The following AGBL4 variants were observed in gnomAD, a reference collection of about 807,000 sequenced individuals.
The protein encoded by AGBL4 is AGBL carboxypeptidase 4, also known as cytosolic carboxypeptidase 6.
In AGBL4, 58 loss-of-function variants were observed where a neutral mutation model predicts 66.4. The observed-to-expected ratio is 0.87, with a 90% CI of 0.71 to 1.09. The LOEUF is 1.09. Ranked by LOEUF, AGBL4 falls within the 50% of genes least tolerant of loss-of-function variation. The probability of loss-of-function intolerance (pLI) is 0.00; values close to 1 mark genes in which losing one functional copy is unlikely to be tolerated. For synonymous variants in AGBL4, 234 were observed against 222.9 expected (o/e 1.05, Z -0.44); for missense variants, 579 against 631.0 (o/e 0.92, Z 0.88).
intron 3 of AGBL4, among the ~76,000 whole-genome samples, chr1:49,462,617 A>G (rs1646539805): frequency 6.6e-6 from 1 of 151,818 alleles, no homozygotes; most frequent in African/African-American, 2.4e-5. Flanking sequence ...AAAGCATTAA[A>G]GACTATTTCA....
intron 4 of AGBL4, among the ~76,000 whole-genome samples, chr1:49,232,229 A>T (rs1650371530): frequency 6.6e-6 from 1 of 152,172 alleles, no homozygotes; most frequent in Admixed American, 6.5e-5. Flanking sequence ...ATAGTATATT[A>T]ATTATATCTT....
At chr1:49,856,097 A>T (rs1474686689) in intron 1 of AGBL4, among the ~76,000 whole-genome samples, 1 of 152,120 alleles carries the variant, frequency 6.6e-6, no homozygotes, top group Non-Finnish European at 1.5e-5. Context: ...ACCACTAGAG[A>T]CTATTATGAA....
chr1:49,016,298 A>G (rs779505020), intron 5 of AGBL4, among the ~76,000 whole-genome samples: 17 of 152,306 alleles, frequency 1.1e-4, no homozygotes, highest in Admixed American at 2.0e-4. Context: ...TCCTGTCAGA[A>G]TCACTGGGGG....
chr1:48,989,505 C>A (rs1279099955), intron 5 of AGBL4, among the ~76,000 whole-genome samples: 2 of 152,008 alleles, frequency 1.3e-5, no homozygotes, highest in African/African-American at 4.8e-5. Context: ...TAACCATCCC[C>A]ACTCTATCCT....
At chr1:49,845,512 G>C in intron 2 of AGBL4, 1 of 1,579,194 alleles carries the variant, frequency 6.3e-7, no homozygotes, top group Non-Finnish European at 8.7e-7. Context: ...TGGTGAGTGT[G>C]GCAAGGCCTT....
rs115198747 is a variant in AGBL4, at chr1:48,841,255, C to T, written c.634+25936G>A. Among the ~76,000 whole-genome samples the T allele has an allele frequency of 7.1e-3, 1,085 of 152,090 alleles. 10 individuals are homozygous for T. Among genetic ancestry groups the T allele is most frequent in the South Asian group, 0.011 (54 of 4,824 alleles). On this transcript the variant is annotated intron_variant, in intron 6 of 13. Coordinates refer to ENST00000371839, the MANE Select transcript of AGBL4 (RefSeq NM_032785.4). ...CTGTATATTTAAAAAGTCAATTTAA[C>T]GGTGTGTTAATAAAAAATGACATAA...
intron 3 of AGBL4, among the ~76,000 whole-genome samples, chr1:49,421,913 G>A (rs954122082): frequency 1.3e-5 from 2 of 151,968 alleles, no homozygotes; most frequent in Admixed American, 6.6e-5. Context: ...CAGTTCTATC[G>A]ATATAGATTC....
intron 3 of AGBL4, among the ~76,000 whole-genome samples, chr1:49,588,397 A>T (rs892678157): frequency 6.6e-6 from 1 of 152,180 alleles, no homozygotes; most frequent in Non-Finnish European, 1.5e-5. Flanking sequence ...CCTAGCACCC[A>T]GTACAAATTT....
intron 1 of AGBL4, among the ~76,000 whole-genome samples, chr1:49,862,912 A>T (rs538676229): frequency 1.3e-5 from 2 of 152,324 alleles, no homozygotes; most frequent in East Asian, 3.9e-4. Context: ...AAGTAGTTCA[A>T]TCAGAAGGAG....
chr1:49,046,273 G>A (rs939443466), intron 4 of AGBL4, among the ~76,000 whole-genome samples: 1 of 152,054 alleles, frequency 6.6e-6, no homozygotes, highest in Non-Finnish European at 1.5e-5. Flanking sequence ...AGATATAAAT[G>A]GGAGAGGCCT....
In AGBL4 at chr1:49,032,309, G is replaced by C. The variant is rs1006967616; in HGVS notation, c.594+13275C>G. On this transcript the variant is annotated intron_variant, in intron 5 of 13. Transcript: ENST00000371839. The stretch of plus-strand genomic sequence containing the variant: ...GATAGCGAAATCATTGAATATGGTA[G>C]CAGTGGTGTAGTAGAAAAGACAAGT... 2.6e-5 allele frequency among the ~76,000 whole-genome samples: 4 copies of C among 152,154 alleles called. No homozygotes were observed. The East Asian group carries it at 7.7e-4, about 29-fold the overall frequency.
intron 2 of AGBL4, among the ~76,000 whole-genome samples, chr1:49,749,337 A>G (rs1651262707): frequency 6.6e-6 from 1 of 152,162 alleles, no homozygotes; most frequent in African/African-American, 2.4e-5. Context: ...GTTATTTCTG[A>G]GGCCTCTGTT....
intron 4 of AGBL4, among the ~76,000 whole-genome samples, chr1:49,180,227 A>T (rs773548995): frequency 3.3e-5 from 5 of 152,196 alleles, no homozygotes; most frequent in Non-Finnish European, 5.9e-5. Context: ...CAGCTTCTTT[A>T]TCTGTAAATA....
chr1:49,687,525 A>C (rs1646808967), intron 3 of AGBL4, among the ~76,000 whole-genome samples: 1 of 152,172 alleles, frequency 6.6e-6, no homozygotes, highest in South Asian at 2.1e-4. Flanking sequence ...CAATCCCAGC[A>C]CTTTAGGAGG....
chr1:49,451,341 A>G (rs1461642673), intron 3 of AGBL4, among the ~76,000 whole-genome samples: 1 of 152,080 alleles, frequency 6.6e-6, no homozygotes, highest in African/African-American at 2.4e-5. Flanking sequence ...AATTGATTTG[A>G]GACCTTTTTG....
intron 3 of AGBL4, among the ~76,000 whole-genome samples, chr1:49,582,271 C>T (rs2148884838): frequency 1.3e-5 from 2 of 152,192 alleles, no homozygotes; most frequent in Middle Eastern, 6.8e-3. Flanking sequence ...TCCTAAGGTC[C>T]CTGGTAAAAT....
intron 3 of AGBL4, among the ~76,000 whole-genome samples, chr1:49,274,279 T>C (rs1415066961): frequency 6.6e-6 from 1 of 152,172 alleles, no homozygotes; most frequent in Admixed American, 6.5e-5. Context: ...ACTTTTCATA[T>C]ATTAAGGCCC....
intron 6 of AGBL4, among the ~76,000 whole-genome samples, chr1:48,856,255 G>GATTC (rs965770465): frequency 6.6e-5 from 10 of 152,102 alleles, no homozygotes; most frequent in Non-Finnish European, 1.5e-4. Flanking sequence ...GCAACATGGA[G>GATTC]ATTGTTTATG....
At chr1:49,556,661 G>A (rs899043564) in intron 3 of AGBL4, among the ~76,000 whole-genome samples, 14 of 152,028 alleles carry the variant, frequency 9.2e-5, no homozygotes, top group Non-Finnish European at 1.9e-4. Flanking sequence ...TGGATCCCGC[G>A]CAGGGGCCGC....
Sources: gnomAD v4.1 joint callset for allele counts (sites outside exome capture counted in the v4.1 genomes callset) on GRCh38, gnomAD v4.1.1 for gene constraint, MANE v1.5 for transcripts, NCBI Gene and HGNC (gene_info 2026-07-23, HGNC 2026-07-21) for gene names.